ELSPBP1: variants seen among roughly 807,000 people sequenced by gnomAD.
The protein encoded by ELSPBP1 is epididymal sperm-binding protein 1.
Under a neutral mutation model 33.3 loss-of-function variants are expected in ELSPBP1, and 38 were observed. The observed-to-expected ratio is 1.14, with a 90% CI of 0.88 to 1.50. The LOEUF (loss-of-function observed/expected upper bound fraction) is 1.50. Among genes scored for constraint, ELSPBP1 ranks in the 40% most tolerant of loss-of-function variants. The pLI is 0.00. For synonymous variants in ELSPBP1, 85 were observed against 94.1 expected (o/e 0.90, Z 0.56); for missense variants, 267 against 263.5 (o/e 1.01, Z -0.09).
At position 48,015,454 on chromosome 19, in the gene ELSPBP1, G is replaced by A. The variant is rs549607368; in HGVS notation, c.209-439G>A. 9.9e-5 allele frequency among the ~76,000 whole-genome samples: 15 copies of A among 152,172 alleles called. 1 individual carries two copies. The East Asian group carries it at 2.1e-3, about 22-fold the overall frequency. On this transcript the variant is annotated intron_variant, in intron 3 of 6. Coordinates refer to ENST00000339841, the MANE Select transcript of ELSPBP1 (RefSeq NM_022142.5). ...GTGGATCACCTGAGGCCAGGAGTTCGAGACCAGCCTGGGCAACATGGCGAC... is the reference window on the plus strand; with the variant it reads ...GTGGATCACCTGAGGCCAGGAGTTCAAGACCAGCCTGGGCAACATGGCGAC...
intron 4 of ELSPBP1, among the ~76,000 whole-genome samples, chr19:48,016,682 T>C (rs1336976024): frequency 6.6e-6 from 1 of 151,830 alleles, no homozygotes; most frequent in African/African-American, 2.4e-5. Context: ...CACTGCAACC[T>C]CTGCCTCCCA....
chr19:48,006,649 A>AAG (rs1218948845), intron 1 of ELSPBP1, among the ~76,000 whole-genome samples: 2 of 83,142 alleles, frequency 2.4e-5, no homozygotes, highest in Admixed American at 2.4e-4. Flanking sequence ...AAAAAAAAAG[A>AAG]AAAGAAAAAG....
At chr19:48,003,693 C>T (rs182084120) in intron 1 of ELSPBP1, among the ~76,000 whole-genome samples, 5 of 143,706 alleles carry the variant, frequency 3.5e-5, no homozygotes, top group Admixed American at 1.5e-4. Flanking sequence ...CCTGCTACCA[C>T]GCCCAGCTAA....
intron 2 of ELSPBP1, among the ~76,000 whole-genome samples, chr19:48,009,994 T>C (rs1362771010): frequency 6.6e-6 from 1 of 152,190 alleles, no homozygotes; most frequent in Non-Finnish European, 1.5e-5. Context: ...GAGGGTTTTT[T>C]GTTTGTTTGT....
At chr19:48,019,202 T>A (rs781749970) in intron 4 of ELSPBP1, among the ~76,000 whole-genome samples, 1 of 151,990 alleles carries the variant, frequency 6.6e-6, no homozygotes, top group Non-Finnish European at 1.5e-5. Context: ...ACTCAGCATA[T>A]TGATGGGGTC....
At chr19:48,005,207 AAAAAAAGAAAAG>A (rs1221079628) in intron 1 of ELSPBP1, among the ~76,000 whole-genome samples, 4 of 152,016 alleles carry the variant, frequency 2.6e-5, no homozygotes, top group African/African-American at 9.7e-5. Flanking sequence ...TGTCTCAAAA[AAAAAAAGAAAAG>A]AAAAAAGAAA....
At chr19:48,008,543 A>C (rs1354766875) in intron 1 of ELSPBP1, 108 bp from the exon 2 acceptor site, 1 of 728,998 alleles carries the variant, frequency 1.4e-6, no homozygotes, top group African/African-American at 1.8e-5. Flanking sequence ...CTATTTTTTA[A>C]ATTACTGTGG....
chr19:48,015,813 T>C (rs1967125192), intron 3 of ELSPBP1, 80 bp from the exon 4 acceptor site: 9 of 1,351,044 alleles, frequency 6.7e-6, no homozygotes, highest in South Asian at 5.4e-5. Flanking sequence ...TGTCCTATGA[T>C]GGTTGATTGA....
intron 2 of ELSPBP1, among the ~76,000 whole-genome samples, chr19:48,012,688 A>G (rs1444988761): frequency 6.6e-6 from 1 of 152,156 alleles, no homozygotes; most frequent in Non-Finnish European, 1.5e-5. Context: ...TCCTGTACTC[A>G]TTGAGAAGAA....
chr19:47,999,774 C>G (rs1308631888), intron 1 of ELSPBP1, among the ~76,000 whole-genome samples: 1 of 151,776 alleles, frequency 6.6e-6, no homozygotes, highest in African/African-American at 2.4e-5. Context: ...AGTCTACCGA[C>G]AACTCCACAT....
In ELSPBP1 at chr19:47,998,128, G is replaced by A. The variant is rs866656842; in HGVS notation, c.-18+3317G>A. Among the ~76,000 whole-genome samples, 5 of 152,050 alleles carry A rather than the reference G, an allele frequency of 3.3e-5. No individual in the cohort carries two copies. In the South Asian group the frequency reaches 1.0e-3, roughly 32 times the overall value. ...CAGCAGCTTCCAGTAAAATCTCAAGGATGGCCTGGGCGCGGTAGCTCAATC... is the reference window on the plus strand; with the variant it reads ...CAGCAGCTTCCAGTAAAATCTCAAGAATGGCCTGGGCGCGGTAGCTCAATC... On this transcript the variant is annotated intron_variant, in intron 1 of 6. Coordinates refer to ENST00000339841, the MANE Select transcript of ELSPBP1 (RefSeq NM_022142.5).
chr19:48,012,071 A>C (rs543256777), intron 2 of ELSPBP1, among the ~76,000 whole-genome samples: 2 of 152,052 alleles, frequency 1.3e-5, no homozygotes, highest in African/African-American at 2.4e-5. Flanking sequence ...TTCTTTTTTC[A>C]AAAAAATTTA....
intron 1 of ELSPBP1, among the ~76,000 whole-genome samples, chr19:47,999,394 T>TC (rs1471147728): frequency 1.4e-5 from 2 of 146,424 alleles, no homozygotes; most frequent in Admixed American, 1.5e-4. Context: ...TTTCTTTTTT[T>TC]TTTTTTTTTT....
chr19:48,009,351 G>T (rs11878858), intron 2 of ELSPBP1, among the ~76,000 whole-genome samples: 25,346 of 151,984 alleles, frequency 0.17, 2,161 homozygotes, highest in South Asian at 0.23. Flanking sequence ...ACATGGTGGG[G>T]GTAAAAGGCA....
chr19:48,000,706 G>A (rs1422866952), intron 1 of ELSPBP1, among the ~76,000 whole-genome samples: 6 of 152,194 alleles, frequency 3.9e-5, no homozygotes, highest in East Asian at 3.8e-4. Context: ...TGAGGACTCC[G>A]AGCTGTGCGT....
intron 1 of ELSPBP1, among the ~76,000 whole-genome samples, chr19:48,002,149 T>C (rs1444936131): frequency 1.3e-5 from 2 of 152,134 alleles, no homozygotes; most frequent in African/African-American, 4.8e-5. Context: ...CACCATCCCT[T>C]CCACTGTGCG....
chr19:47,998,722 G>C (rs1352751819), intron 1 of ELSPBP1, among the ~76,000 whole-genome samples: 8 of 149,298 alleles, frequency 5.4e-5, no homozygotes, highest in African/African-American at 2.0e-4. Context: ...GGGAGGCGGA[G>C]CTTGCAGTGA....
At chr19:48,008,453 T>A (rs988238438) in intron 1 of ELSPBP1, among the ~76,000 whole-genome samples, 198 bp from the exon 2 acceptor site, 2 of 152,166 alleles carry the variant, frequency 1.3e-5, no homozygotes, top group Non-Finnish European at 2.9e-5. Context: ...CAGGCTGGTC[T>A]TGAACTTCTG....
intron 6 of ELSPBP1, among the ~76,000 whole-genome samples, chr19:48,024,328 A>T (rs1268949964): frequency 6.6e-6 from 1 of 152,076 alleles, no homozygotes; most frequent in South Asian, 2.1e-4. Context: ...ATGGTCTCTA[A>T]ATCTCCCGCA....
Sources: gnomAD v4.1 joint callset for allele counts (sites outside exome capture counted in the v4.1 genomes callset) on GRCh38, gnomAD v4.1.1 for gene constraint, MANE v1.5 for transcripts, NCBI Gene and HGNC (gene_info 2026-07-23, HGNC 2026-07-21) for gene names.